The following SAMD5 variants were observed in gnomAD, a reference collection of about 807,000 sequenced individuals.
SAMD5 encodes the protein sterile alpha motif domain-containing protein 5.
SAMD5 carries 13 observed loss-of-function variants against 11.3 expected under a neutral mutation model. That is an observed-to-expected ratio of 1.15 (90% CI 0.75 to 1.83). The LOEUF (loss-of-function observed/expected upper bound fraction) is 1.83. Ranked by LOEUF, SAMD5 falls within the 40% of genes most tolerant of loss-of-function variation. SAMD5 has a pLI of 0.00. For missense variants in SAMD5, 255 were observed against 239.1 expected (o/e 1.07, Z -0.44); for synonymous variants, 129 against 111.3 (o/e 1.16, Z -1.00).
At chr6:147,891,500 G>A in the SAMD5 span, among the ~76,000 whole-genome samples, 1 of 152,064 alleles carries the variant, frequency 6.6e-6, no homozygotes, top group African/African-American at 2.4e-5. Flanking sequence ...GGGGTGGTAA[G>A]TACTCATTAT....
intron 1 of SAMD5, among the ~76,000 whole-genome samples, chr6:147,699,840 G>A (rs1426754205): frequency 6.6e-6 from 1 of 152,192 alleles, no homozygotes; most frequent in Non-Finnish European, 1.5e-5. Context: ...TTGAGGTTAG[G>A]AGAAGCGAGT....
At chr6:147,609,878 CAAAG>C (rs1412393987) in intron 1 of SAMD5, among the ~76,000 whole-genome samples, 2 of 152,104 alleles carry the variant, frequency 1.3e-5, no homozygotes, top group Non-Finnish European at 2.9e-5. Flanking sequence ...TTTAGTGGAT[CAAAG>C]AAAAATACTT....
At chr6:147,518,169 G>C (rs1788200956) in intron 1 of SAMD5, among the ~76,000 whole-genome samples, 1 of 152,134 alleles carries the variant, frequency 6.6e-6, no homozygotes, top group South Asian at 2.1e-4. Context: ...TGCAGCACTC[G>C]ATGGATTAAT....
At chr6:147,705,870 T>C (rs1338825309) in intron 1 of SAMD5, among the ~76,000 whole-genome samples, 1 of 152,216 alleles carries the variant, frequency 6.6e-6, no homozygotes, top group Non-Finnish European at 1.5e-5. Context: ...AATATATTAC[T>C]GTTTGAGGAC....
At position 147,517,502 on chromosome 6, in the gene SAMD5, T is replaced by TGATGAATCAGTGGTA. The variant is rs151108525; in HGVS notation, c.459+8118_459+8119insGAATCAGTGGTAGAT. On this transcript the variant is annotated intron_variant, in intron 1 of 1. Coordinates refer to ENST00000367474, the MANE Select transcript of SAMD5 (RefSeq NM_001030060.3). ...TATTCCTAATGATAGGGGTGTTTGA[T>TGATGAATCAGTGGTA]GATTTTTAGTGGAAATGATACCCAG... Among the ~76,000 whole-genome samples the TGATGAATCAGTGGTA allele has an allele frequency of 1.7e-3, 264 of 151,720 alleles. 2 individuals carry two copies. Among genetic ancestry groups the TGATGAATCAGTGGTA allele is most frequent in the African/African-American group, 6.0e-3 (248 of 41,304 alleles).
chr6:147,570,448 A>T (rs1423001725), downstream of SAMD5, among the ~76,000 whole-genome samples: 1 of 152,122 alleles, frequency 6.6e-6, no homozygotes, highest in African/African-American at 2.4e-5. Context: ...CAGATAAGCA[A>T]TATTTCCGTG....
chr6:147,638,520 T>C (rs577411703), intron 1 of SAMD5, among the ~76,000 whole-genome samples: 17 of 152,342 alleles, frequency 1.1e-4, no homozygotes, highest in South Asian at 1.0e-3. Context: ...TGGTGTGTGA[T>C]CGTGTTGATG....
At chr6:147,509,428 G>T in intron 1 of SAMD5, 41 bp downstream of exon 1, 1 of 1,488,762 alleles carries the variant, frequency 6.7e-7, no homozygotes, top group Non-Finnish European at 9.0e-7. Flanking sequence ...CGCGCGGCGG[G>T]AGGGGACACA....
the SAMD5 span, among the ~76,000 whole-genome samples, chr6:147,848,736 G>A: frequency 6.6e-6 from 1 of 152,114 alleles, no homozygotes; most frequent in African/African-American, 2.4e-5. Context: ...ATTGCCACAC[G>A]TTGTGAGACA....
chr6:147,649,803 A>C (rs892650831), intron 1 of SAMD5, among the ~76,000 whole-genome samples: 1 of 152,230 alleles, frequency 6.6e-6, no homozygotes, highest in African/African-American at 2.4e-5. Context: ...AAAAAAAAAA[A>C]AAAAAGTACC....
chr6:147,557,556 T>C (rs1174370060), intron 1 of SAMD5, among the ~76,000 whole-genome samples: 1 of 152,168 alleles, frequency 6.6e-6, no homozygotes, highest in Non-Finnish European at 1.5e-5. Context: ...TCACCTGGCC[T>C]CTTGTTGGTA....
At chr6:147,576,888 C>A (rs1789225177) in intron 1 of SAMD5, among the ~76,000 whole-genome samples, 1 of 152,168 alleles carries the variant, frequency 6.6e-6, no homozygotes, top group Non-Finnish European at 1.5e-5. Context: ...TCCTCCATTC[C>A]CCAAGGAGTA....
At chr6:147,579,033 CT>C (rs1044934887) in intron 1 of SAMD5, among the ~76,000 whole-genome samples, 83 of 152,344 alleles carry the variant, frequency 5.4e-4, no homozygotes, top group African/African-American at 1.9e-3. Context: ...AATATTAAGA[CT>C]GTATGATGAA....
intron 1 of SAMD5, among the ~76,000 whole-genome samples, chr6:147,669,416 AC>A (rs1660365558): frequency 7.5e-6 from 1 of 132,900 alleles, no homozygotes; most frequent in Non-Finnish European, 1.6e-5. Context: ...TTCAAGCTCC[AC>A]TTCTTTTTTT....
chr6:147,913,552 C>T, the SAMD5 span, among the ~76,000 whole-genome samples: 1 of 152,128 alleles, frequency 6.6e-6, no homozygotes, highest in East Asian at 1.9e-4. Flanking sequence ...GAAAATGAGC[C>T]GGGTGTGGTG....
At chr6:147,563,520 T>C (rs1442752411) in intron 1 of SAMD5, among the ~76,000 whole-genome samples, 2 of 152,234 alleles carry the variant, frequency 1.3e-5, no homozygotes, top group Non-Finnish European at 2.9e-5. Flanking sequence ...GGCATCCTTC[T>C]TCCTTCCAAC....
chr6:147,816,301 A>AAAAATATATATATATATATAT, the SAMD5 span, among the ~76,000 whole-genome samples: 1 of 66,354 alleles, frequency 1.5e-5, no homozygotes, highest in Non-Finnish European at 2.4e-5. Context: ...AAAAAAAAAA[A>AAAAATATATATATATATATAT]ATATATATAT....
the SAMD5 span, among the ~76,000 whole-genome samples, chr6:147,913,560 G>A: frequency 5.3e-5 from 8 of 152,226 alleles, 1 homozygote; most frequent in South Asian, 1.7e-3. Context: ...GCCGGGTGTG[G>A]TGGCACATGC....
At chr6:147,881,610 CT>C in the SAMD5 span, among the ~76,000 whole-genome samples, 1 of 152,190 alleles carries the variant, frequency 6.6e-6, no homozygotes. Flanking sequence ...CCGAAGCCCC[CT>C]GAGCTTTCTT....
Sources: gnomAD v4.1 joint callset for allele counts (sites outside exome capture counted in the v4.1 genomes callset) on GRCh38, gnomAD v4.1.1 for gene constraint, MANE v1.5 for transcripts, NCBI Gene and HGNC (gene_info 2026-07-23, HGNC 2026-07-21) for gene names.